The following NRXN3 variants were observed in gnomAD, a reference collection of about 807,000 sequenced individuals.
The protein encoded by NRXN3 is neurexin 3.
In NRXN3, 32 loss-of-function variants were observed where a neutral mutation model predicts 137.6. That is an observed-to-expected ratio of 0.23 (90% CI 0.18 to 0.31). NRXN3 has a LOEUF of 0.31. NRXN3 is among the 10% of genes least tolerant of loss of function. The probability of loss-of-function intolerance (pLI) is 1.00; values close to 1 mark genes in which losing one functional copy is unlikely to be tolerated. For missense variants in NRXN3, 1,574 were observed against 2,062.5 expected, an observed-to-expected ratio of 0.76 and a Z score of 4.59; for synonymous variants, 798 against 784.5, an observed-to-expected ratio of 1.02 and a Z score of -0.29.
intron 6 of NRXN3, among the ~76,000 whole-genome samples, chr14:78,700,930 C>A (rs2098272148): frequency 6.6e-6 from 1 of 152,116 alleles, no homozygotes. Flanking sequence ...CACCACCATG[C>A]CTGGCTAATT....
intron 20 of NRXN3, among the ~76,000 whole-genome samples, chr14:79,805,650 G>T (rs955410942): frequency 6.6e-6 from 1 of 152,124 alleles, no homozygotes; most frequent in Non-Finnish European, 1.5e-5. Flanking sequence ...TAAAACTCAT[G>T]AATTATTCTG....
chr14:78,755,997 A>C (rs982244566), intron 8 of NRXN3, among the ~76,000 whole-genome samples: 1 of 152,174 alleles, frequency 6.6e-6, no homozygotes, highest in African/African-American at 2.4e-5. Flanking sequence ...TATTTACATG[A>C]TGGTTTTGGA....
At chr14:79,464,579 G>A (rs2096397289) in intron 15 of NRXN3, among the ~76,000 whole-genome samples, 1 of 152,162 alleles carries the variant, frequency 6.6e-6, no homozygotes, top group African/African-American at 2.4e-5. Flanking sequence ...TGGTGAGATG[G>A]CCAGACAAGC....
chr14:78,253,486 C>A (rs2068977784), intron 2 of NRXN3, among the ~76,000 whole-genome samples: 2 of 152,016 alleles, frequency 1.3e-5, no homozygotes, highest in Admixed American at 6.6e-5. Flanking sequence ...CCTGCCTGGG[C>A]AACATAGCGA....
chr14:78,601,784 A>G (rs1203331617), intron 4 of NRXN3, among the ~76,000 whole-genome samples: 1 of 152,000 alleles, frequency 6.6e-6, no homozygotes, highest in Non-Finnish European at 1.5e-5. Context: ...TCTTTTTGGC[A>G]CCCTCATCTT....
chr14:79,020,124 T>TTTCTTTTCTTTTCCCTTCCC lies in NRXN3; in HGVS notation c.3262+31986_3262+31987insTTTTCTTTTCCCTTCCCTTC, dbSNP rs1568009789. On this transcript the variant is annotated intron_variant, in intron 15 of 20. Coordinates refer to ENST00000335750, the MANE Select transcript of NRXN3 (RefSeq NM_001330195.2). ...TGGCTTCAAGGTTGCTTTCTTTTCC[T>TTTCTTTTCTTTTCCCTTCCC]TTCCCTTCCCTTCCCTTCCCTTCCC... Among the ~76,000 whole-genome samples the TTTCTTTTCTTTTCCCTTCCC allele has an allele frequency of 2.0e-4, 22 of 111,056 alleles. 1 individual carries two copies. Among genetic ancestry groups the TTTCTTTTCTTTTCCCTTCCC allele is most frequent in the African/African-American group, 6.9e-4 (20 of 29,130 alleles). The allele number at this position is 111,056 out of a possible 152,430, so 72.9% of individuals were successfully genotyped here. A position where few individuals can be genotyped will look rare whatever the true frequency, so the allele number is the denominator to read the frequency against.
At chr14:79,546,301 A>G (rs1213883567) in intron 16 of NRXN3, among the ~76,000 whole-genome samples, 1 of 152,174 alleles carries the variant, frequency 6.6e-6, no homozygotes, top group Non-Finnish European at 1.5e-5. Flanking sequence ...TCCTTATACA[A>G]TTGTTATGTT....
At chr14:79,060,917 T>C (rs1380249564) in intron 15 of NRXN3, among the ~76,000 whole-genome samples, 1 of 152,132 alleles carries the variant, frequency 6.6e-6, no homozygotes, top group Non-Finnish European at 1.5e-5. Flanking sequence ...CTGGGCAAAG[T>C]TGGTGCTCAC....
At chr14:78,878,676 T>G (rs1400254333) in intron 10 of NRXN3, among the ~76,000 whole-genome samples, 2 of 152,222 alleles carry the variant, frequency 1.3e-5, no homozygotes, top group Non-Finnish European at 2.9e-5. Flanking sequence ...ACATATGTAT[T>G]ACCTCAAATA....
chr14:79,206,712 G>C (rs1358121087), intron 15 of NRXN3, among the ~76,000 whole-genome samples: 1 of 152,140 alleles, frequency 6.6e-6, no homozygotes, highest in African/African-American at 2.4e-5. Context: ...AGTAAGGAGT[G>C]TTTGGTGTCT....
chr14:79,095,752 C>T (rs61992500), intron 15 of NRXN3, among the ~76,000 whole-genome samples: 65,675 of 151,996 alleles, frequency 0.43, 17,386 homozygotes, highest in Non-Finnish European at 0.58. Flanking sequence ...GGAATTCTTG[C>T]GAAGGTTACT....
chr14:79,849,214 C>T (rs2099386760), intron 20 of NRXN3, among the ~76,000 whole-genome samples: 1 of 152,120 alleles, frequency 6.6e-6, no homozygotes, highest in Admixed American at 6.5e-5. Flanking sequence ...CTTTTGCTTC[C>T]CAAAAGTCCA....
intron 15 of NRXN3, among the ~76,000 whole-genome samples, chr14:79,361,636 G>T (rs1178888351): frequency 6.6e-6 from 1 of 152,118 alleles, no homozygotes; most frequent in Non-Finnish European, 1.5e-5. Flanking sequence ...AGAATCACTT[G>T]AACCCAGGAG....
intron 10 of NRXN3, among the ~76,000 whole-genome samples, chr14:78,851,902 G>GA (rs149465950): frequency 0.054 from 8,123 of 149,466 alleles, 389 homozygotes; most frequent in East Asian, 0.26. Flanking sequence ...GTGGTTATCA[G>GA]AAAAAAAAAT....
At chr14:79,056,706 G>A (rs2099664689) in intron 15 of NRXN3, among the ~76,000 whole-genome samples, 1 of 152,166 alleles carries the variant, frequency 6.6e-6, no homozygotes, top group South Asian at 2.1e-4. Context: ...GTATACTGGG[G>A]AATTTTCAGT....
intron 4 of NRXN3, among the ~76,000 whole-genome samples, chr14:78,342,830 T>C (rs2153582949): frequency 6.6e-6 from 1 of 152,326 alleles, no homozygotes; most frequent in East Asian, 1.9e-4. Context: ...GATATTTTAC[T>C]TCACTGAGCC....
chr14:78,396,281 C>T (rs2091448443), intron 4 of NRXN3, among the ~76,000 whole-genome samples: 2 of 152,080 alleles, frequency 1.3e-5, no homozygotes. Context: ...TCTTTACCCT[C>T]CCCTATTTAT....
At chr14:79,102,236 G>A (rs747881385) in intron 15 of NRXN3, among the ~76,000 whole-genome samples, 6 of 152,128 alleles carry the variant, frequency 3.9e-5, no homozygotes, top group Admixed American at 2.0e-4. Context: ...ACCCAAAGAC[G>A]TGACTAGGAT....
intron 19 of NRXN3, among the ~76,000 whole-genome samples, chr14:79,719,463 T>C (rs2098836572): frequency 6.7e-6 from 1 of 149,950 alleles, no homozygotes. Flanking sequence ...AAAAGGCAAT[T>C]ATCTATGAAC....
Sources: gnomAD v4.1 joint callset for allele counts (sites outside exome capture counted in the v4.1 genomes callset) on GRCh38, gnomAD v4.1.1 for gene constraint, MANE v1.5 for transcripts, NCBI Gene and HGNC (gene_info 2026-07-23, HGNC 2026-07-21) for gene names.